TTC3: variants seen among roughly 807,000 people sequenced by gnomAD.
TTC3 encodes E3 ubiquitin-protein ligase TTC3.
A neutral mutation model predicts 249.6 loss-of-function variants in TTC3; 180 were observed. That is an observed-to-expected ratio of 0.72 (90% confidence interval 0.64 to 0.82). The LOEUF (loss-of-function observed/expected upper bound fraction) is 0.82, where lower values mean the gene tolerates loss of function less well. TTC3 is among the 40% of genes least tolerant of loss of function. The pLI, the probability that TTC3 is intolerant of heterozygous loss-of-function variation, is 0.00. For missense variants in TTC3, 2,061 were observed against 2,398.4 expected (o/e 0.86, Z 2.94); for synonymous variants, 717 against 805.0 (o/e 0.89, Z 1.85).
intron 24 of TTC3, 102 bp downstream of exon 24, chr21:37,150,272 C>A: frequency 2.4e-6 from 2 of 829,060 alleles, no homozygotes; most frequent in Non-Finnish European, 3.9e-6. Flanking sequence ...TGGATCTTTT[C>A]CAGGAAAGAA....
intron 7 of TTC3, 136 bp from the exon 8 acceptor site, chr21:37,093,869 A>T: frequency 3.8e-6 from 2 of 524,040 alleles, no homozygotes; most frequent in Non-Finnish European, 3.4e-6. Context: ...TACAAGAAAC[A>T]TGTGCTATTT....
intron 10 of TTC3, among the ~76,000 whole-genome samples, chr21:37,103,562 GTATTAA>G (rs1464030359): frequency 6.6e-6 from 1 of 152,074 alleles, no homozygotes; most frequent in African/African-American, 2.4e-5. Context: ...AATTTTATTA[GTATTAA>G]TATTAATTGC....
chr21:37,184,445 C>G (rs2083041455), intron 36 of TTC3, among the ~76,000 whole-genome samples: 1 of 151,550 alleles, frequency 6.6e-6, no homozygotes, highest in Non-Finnish European at 1.5e-5. Context: ...CCACACGCTT[C>G]TCTCTAAGTT....
chr21:37,119,925 A>G (rs1310486240), intron 11 of TTC3, among the ~76,000 whole-genome samples: 3 of 152,196 alleles, frequency 2.0e-5, no homozygotes, highest in Non-Finnish European at 1.5e-5. Flanking sequence ...TTCTAGGAAA[A>G]GGAGACCCTC....
At chr21:37,136,894 G>A (rs893230695) in intron 18 of TTC3, among the ~76,000 whole-genome samples, 4 of 152,162 alleles carry the variant, frequency 2.6e-5, no homozygotes, top group African/African-American at 9.7e-5. Context: ...GGTGACTTAA[G>A]TTGAAGCCAG....
At chr21:37,156,965 G>A (rs570590542) in intron 28 of TTC3, 59 bp downstream of exon 28, 1 of 1,559,134 alleles carries the variant, frequency 6.4e-7, no homozygotes, top group South Asian at 1.2e-5. Flanking sequence ...AAAAATCTGT[G>A]AAGGACCTAG....
intron 1 of TTC3, chr21:37,083,382 G>A: frequency 1.0e-6 from 1 of 985,422 alleles, no homozygotes; most frequent in Non-Finnish European, 1.2e-6. Flanking sequence ...AAGCAGTAAA[G>A]TGATATGATC....
chr21:37,167,707 T>A, intron 34 of TTC3, 87 bp downstream of exon 34: 1 of 994,354 alleles, frequency 1.0e-6, no homozygotes, highest in Non-Finnish European at 1.5e-6. Flanking sequence ...TATTTTGGAG[T>A]CAGCTTATTC....
At chr21:37,141,852 A>ATATT (rs2078497876) in intron 20 of TTC3, among the ~76,000 whole-genome samples, 1 of 152,190 alleles carries the variant, frequency 6.6e-6, no homozygotes, top group Non-Finnish European at 1.5e-5. Flanking sequence ...AAAATCCTTA[A>ATATT]TAAAATACTG....
At chr21:37,118,152 A>G (rs2076310056) in intron 11 of TTC3, among the ~76,000 whole-genome samples, 2 of 152,074 alleles carry the variant, frequency 1.3e-5, no homozygotes, top group Admixed American at 1.3e-4. Flanking sequence ...AAGAATGCTT[A>G]TTAAAGGATA....
At chr21:37,185,463 T>G (rs1015025787) in intron 36 of TTC3, among the ~76,000 whole-genome samples, 2 of 152,132 alleles carry the variant, frequency 1.3e-5, no homozygotes, top group Non-Finnish European at 2.9e-5. Context: ...GATAGGGTGA[T>G]TTACCTGTAA....
rs1346834911 is a variant in TTC3, at chr21:37,166,154, G to A, written c.3940G>A (p.Val1314Ile). 3.7e-6 allele frequency: 6 copies of A among 1,614,100 alleles called. No homozygotes were observed. The South Asian group carries it at 6.6e-5, about 18-fold the overall frequency. The change falls in exon 33 of 46, where the codon GTC (valine) becomes ATC (isoleucine). Residue 1314 changes from valine to isoleucine, a missense_variant. By Grantham distance (29) the Val-to-Ile change is conservative. This residue lies in a region of TTC3 where 1,040 missense variants were observed against 1,186.1 expected (regional missense o/e 0.88). Transcript: ENST00000355666. ...AACTTATTGGGCTCAATCCCATTTG[G>A]TCACAGGATACTGTACGTATCTTCC... is the stretch of plus-strand genomic sequence containing the variant.
chr21:37,159,241 C>G (rs1417032075), intron 28 of TTC3, among the ~76,000 whole-genome samples: 1 of 24,932 alleles, frequency 4.0e-5, no homozygotes, highest in Non-Finnish European at 8.2e-5. Flanking sequence ...TTAAATGTCC[C>G]CTCTACCTCA....
chr21:37,164,523 G>A (rs1017921816), intron 32 of TTC3, among the ~76,000 whole-genome samples: 1 of 44 alleles, frequency 0.023, no homozygotes, highest in African/African-American at 0.1. Flanking sequence ...ATTTTTAGTA[G>A]AGAAGGGTTT....
intron 7 of TTC3, among the ~76,000 whole-genome samples, chr21:37,093,118 C>T (rs950676849): frequency 1.3e-5 from 2 of 152,124 alleles, no homozygotes; most frequent in Non-Finnish European, 1.5e-5. Context: ...TGGCTCACAC[C>T]TGTAATCTCA....
chr21:37,073,282 T>A (rs1056586673), exon 1 of TTC3: 12 of 238,812 alleles, frequency 5.0e-5, no homozygotes, highest in Admixed American at 1.3e-4. Flanking sequence ...TCGGCTGACG[T>A]GGAGGGCCGG....
intron 10 of TTC3, among the ~76,000 whole-genome samples, chr21:37,097,098 C>T (rs1423004178): frequency 6.6e-6 from 1 of 151,902 alleles, no homozygotes; most frequent in Non-Finnish European, 1.5e-5. Flanking sequence ...CTCTGTTTAT[C>T]CTGGTATAAA....
chr21:37,160,651 C>T (rs1278502797), intron 29 of TTC3, 151 bp from the exon 30 acceptor site: 1 of 717,248 alleles, frequency 1.4e-6, no homozygotes, highest in Non-Finnish European at 2.3e-6. Context: ...AATCGTAGCA[C>T]TTGGGCTGAT....
chr21:37,112,832 G>A (rs1426518429), intron 11 of TTC3, among the ~76,000 whole-genome samples: 3 of 152,174 alleles, frequency 2.0e-5, no homozygotes, highest in African/African-American at 7.2e-5. Flanking sequence ...ACATCAAAAA[G>A]GTTATCCACC....
Sources: allele counts gnomAD v4.1 joint callset (sites outside exome capture counted in the v4.1 genomes callset), GRCh38; gene constraint gnomAD v4.1.1; regional missense constraint gnomAD v4.1.1; transcripts MANE v1.5; gene names NCBI Gene and HGNC (gene_info 2026-07-23, HGNC 2026-07-21).